The following ITGA1 variants were observed in gnomAD, a reference collection of about 807,000 sequenced individuals.
The protein encoded by ITGA1 is integrin subunit alpha 1.
A neutral mutation model predicts 145.9 loss-of-function variants in ITGA1; 85 were observed. The observed-to-expected ratio is 0.58, with a 90% CI of 0.49 to 0.70. ITGA1 has a LOEUF of 0.70. ITGA1 is among the 30% of genes least tolerant of loss of function. The pLI is 0.00. For synonymous variants in ITGA1, 520 were observed against 495.3 expected (o/e 1.05, Z -0.66); for missense variants, 1,351 against 1,418.7 (o/e 0.95, Z 0.77).
rs1041621216 is a variant in ITGA1, at chr5:52,956,702, C to T, written c.*4251C>T. 2 of 152,318 alleles carry T rather than the reference C, an allele frequency of 1.3e-5. No individual in the cohort carries two copies. Among genetic ancestry groups the T allele is most frequent in the Admixed American group, 1.3e-4 (2 of 15,300 alleles). The allele number at this position is 152,318 out of a possible 1,614,324, so 9.4% of individuals were successfully genotyped here. ...AGCAGGATTTAGCTCTTCAATGGCCCTCCAAATGCACCCAACAATCGCCAA... is the reference window on the plus strand; with the variant it reads ...AGCAGGATTTAGCTCTTCAATGGCCTTCCAAATGCACCCAACAATCGCCAA... On this transcript the variant is annotated 3_prime_UTR_variant, in exon 29 of 29. Transcript: ENST00000282588.
intron 22 of ITGA1, 82 bp from the exon 23 acceptor site, chr5:52,933,812 T>C (rs1750925643): frequency 1.2e-5 from 7 of 569,256 alleles, no homozygotes; most frequent in Admixed American, 3.3e-5. Context: ...TGGAATTACA[T>C]GATATGGAGA....
At chr5:52,917,756 T>C (rs1378067656) in intron 15 of ITGA1, among the ~76,000 whole-genome samples, 1 of 152,236 alleles carries the variant, frequency 6.6e-6, no homozygotes, top group Non-Finnish European at 1.5e-5. Context: ...CCACTGAGTG[T>C]ACTAAATGTT....
Position 52,937,505 on chromosome 5 carries a change from A to G in ITGA1, c.3069A>G (p.Ser1023=), listed in dbSNP as rs753394375. Residue 1023 remains serine (S), a synonymous_variant, in exon 24 of 29, where the codon TCA becomes TCG. Coordinates refer to ENST00000282588, the MANE Select transcript of ITGA1 (RefSeq NM_181501.2). ...CTGTGCTGTACCCAACTGGATTGTC[A>G]TCTTCTGAGGTAAGTCATGTGTGCC... ...GYPVLYPTGL[S]SSENANCRPH... 1 of 1,594,646 alleles carries G rather than the reference A, an allele frequency of 6.3e-7. No individual in the cohort carries two copies.
chr5:52,829,877 C>T (rs1726151641), intron 1 of ITGA1, among the ~76,000 whole-genome samples: 1 of 151,946 alleles, frequency 6.6e-6, no homozygotes. Flanking sequence ...GTGATCCTTA[C>T]CTTTGGACTT....
At chr5:52,803,077 G>A (rs1748519927) in intron 1 of ITGA1, 3 of 152,186 alleles carry the variant, frequency 2.0e-5, no homozygotes, top group Admixed American at 6.5e-5. Context: ...TTTAACTGCT[G>A]GATCAGCGAC....
At chr5:52,908,788 T>A in intron 12 of ITGA1, 110 bp from the exon 13 acceptor site, 1 of 1,168,094 alleles carries the variant, frequency 8.6e-7, no homozygotes, top group Non-Finnish European at 1.2e-6. Context: ...TCATTTCCTT[T>A]GCCAACTAGC....
intron 27 of ITGA1, among the ~76,000 whole-genome samples, chr5:52,946,552 T>C (rs1410691984): frequency 6.6e-6 from 1 of 152,120 alleles, no homozygotes; most frequent in East Asian, 1.9e-4. Context: ...GTAAAGAAAT[T>C]GAGGTGTTAC....
At chr5:52,801,316 C>T in intron 1 of ITGA1, 1 of 1,178,654 alleles carries the variant, frequency 8.5e-7, no homozygotes, top group Non-Finnish European at 1.2e-6. Flanking sequence ...ACATATGAAG[C>T]CTTACTAGCG....
At chr5:52,897,587 A>G in intron 10 of ITGA1, 59 bp downstream of exon 10, 1 of 1,272,580 alleles carries the variant, frequency 7.9e-7, no homozygotes, top group Non-Finnish European at 1.1e-6. Flanking sequence ...CCTTCCCAAA[A>G]CCAACATCTA....
chr5:52,808,078 A>G (rs1157267239), intron 1 of ITGA1, among the ~76,000 whole-genome samples: 1 of 152,218 alleles, frequency 6.6e-6, no homozygotes, highest in East Asian at 1.9e-4. Flanking sequence ...CACTGTCAAA[A>G]GAAAAAAAGC....
At chr5:52,798,999 C>T (rs1414035433) in intron 1 of ITGA1, among the ~76,000 whole-genome samples, 1 of 152,078 alleles carries the variant, frequency 6.6e-6, no homozygotes, top group African/African-American at 2.4e-5. Flanking sequence ...GATTTATTTT[C>T]CTTCCACACG....
At chr5:52,911,810 A>G (rs894956826) in intron 14 of ITGA1, among the ~76,000 whole-genome samples, 1 of 136,790 alleles carries the variant, frequency 7.3e-6, no homozygotes, top group Non-Finnish European at 1.5e-5. Context: ...TATACTATAT[A>G]TGGTGTATCT....
At chr5:52,810,733 G>A (rs535963582) in intron 1 of ITGA1, among the ~76,000 whole-genome samples, 3 of 151,532 alleles carry the variant, frequency 2.0e-5, no homozygotes, top group East Asian at 2.0e-4. Flanking sequence ...TCTCACTCTG[G>A]GCCTAACTCC....
intron 19 of ITGA1, among the ~76,000 whole-genome samples, chr5:52,926,613 T>G (rs954911401): frequency 1.3e-5 from 2 of 151,036 alleles, no homozygotes; most frequent in Non-Finnish European, 1.5e-5. Flanking sequence ...TCTCAAAAAA[T>G]TATTATTATT....
At position 52,916,071 on chromosome 5, in the gene ITGA1, G is replaced by T. The variant is rs1359928739; in HGVS notation, c.1988+477G>T. On this transcript the variant is annotated intron_variant, in intron 15 of 28. Transcript: ENST00000282588. Reference sequence around the variant, plus strand: ...AATATCTTCGCTCAGCCTTTAAAATGCCTAAATCCCCAAATTGGCCCAGTT... The same window carrying T: ...AATATCTTCGCTCAGCCTTTAAAATTCCTAAATCCCCAAATTGGCCCAGTT... 6.6e-5 allele frequency among the ~76,000 whole-genome samples: 10 copies of T among 152,220 alleles called. No individual in the cohort carries two copies. In the East Asian group the frequency reaches 1.7e-3, roughly 26 times the overall value.
At chr5:52,924,301 A>G (rs10059882) in intron 18 of ITGA1, among the ~76,000 whole-genome samples, 6,988 of 152,264 alleles carry the variant, frequency 0.046, 583 homozygotes, top group African/African-American at 0.16. Context: ...ACCTAGGCTG[A>G]GAAGTCAGGA....
intron 6 of ITGA1, among the ~76,000 whole-genome samples, chr5:52,880,601 T>C (rs574699643): frequency 9.8e-5 from 15 of 152,336 alleles, no homozygotes; most frequent in Admixed American, 8.5e-4. Flanking sequence ...TGAGCCTTCA[T>C]GCTACTTAAG....
At chr5:52,831,323 G>A (rs1414879975) in intron 1 of ITGA1, among the ~76,000 whole-genome samples, 2 of 151,928 alleles carry the variant, frequency 1.3e-5, no homozygotes, top group Non-Finnish European at 1.5e-5. Flanking sequence ...TAGTAGAGAT[G>A]GGGTTTCACC....
At chr5:52,886,123 G>A (rs1417968972) in intron 7 of ITGA1, among the ~76,000 whole-genome samples, 1 of 152,122 alleles carries the variant, frequency 6.6e-6, no homozygotes, top group African/African-American at 2.4e-5. Context: ...ACACAGCCCA[G>A]GGTCAGAGCC....
Sources: gnomAD v4.1 joint callset for allele counts (sites outside exome capture counted in the v4.1 genomes callset) on GRCh38, gnomAD v4.1.1 for gene constraint, MANE v1.5 for transcripts, NCBI Gene and HGNC (gene_info 2026-07-23, HGNC 2026-07-21) for gene names.